Variants in ARHGAP31 observed in about 807,000 individuals in gnomAD.
The protein encoded by ARHGAP31 is Rho GTPase activating protein 31.
ARHGAP31 carries 34 observed loss-of-function variants against 113.9 expected under a neutral mutation model. The ratio of observed to expected loss-of-function variants is 0.30; its 90% CI spans 0.23 to 0.40. The LOEUF (loss-of-function observed/expected upper bound fraction) is 0.40. Among genes scored for constraint, ARHGAP31 ranks in the 10% least tolerant of loss-of-function variants. The pLI is 1.00. For synonymous variants in ARHGAP31, 650 were observed against 684.8 expected, an observed-to-expected ratio of 0.95 and a Z score of 0.79; for missense variants, 1,548 against 1,767.1, an observed-to-expected ratio of 0.88 and a Z score of 2.22.
chr3:119,414,173 C>T lies in ARHGAP31; in HGVS notation c.2244C>T (p.Asp748=), dbSNP rs775947447. 1.2e-6 allele frequency: 2 copies of T among 1,614,136 alleles called. No individual in the cohort carries two copies. Among genetic ancestry groups the T allele is most frequent in the South Asian group, 2.2e-5 (2 of 91,066 alleles). ...AACCTGAGCAGGGCCTGCACCCAGA[C>T]CTCGCCAGCCTGGCTCCTCTGGAAA... ...KPEPEQGLHP[D]LASLAPLEIV... The change falls in exon 12 of 12, where the codon GAC becomes GAT. Residue 748 remains aspartate (D), a synonymous_variant. Transcript: ENST00000264245.
intron 1 of ARHGAP31, among the ~76,000 whole-genome samples, chr3:119,303,286 A>G (rs1222848047): frequency 6.6e-6 from 1 of 152,180 alleles, no homozygotes; most frequent in Non-Finnish European, 1.5e-5. Flanking sequence ...GATGTGCTGG[A>G]TTATCAGGAA....
At chr3:119,307,886 T>C (rs2079643591) in intron 1 of ARHGAP31, among the ~76,000 whole-genome samples, 1 of 133,798 alleles carries the variant, frequency 7.5e-6, no homozygotes, top group Admixed American at 8.9e-5. Context: ...ATTTTGGAAG[T>C]TGACGGAATG....
At chr3:119,318,952 G>T (rs2079758657) in intron 1 of ARHGAP31, among the ~76,000 whole-genome samples, 1 of 151,570 alleles carries the variant, frequency 6.6e-6, no homozygotes, top group South Asian at 2.1e-4. Context: ...AGGTCAGATT[G>T]CTCCAAAAAA....
intron 6 of ARHGAP31, among the ~76,000 whole-genome samples, chr3:119,384,443 G>T (rs1272304650): frequency 1.3e-5 from 2 of 152,176 alleles, no homozygotes; most frequent in East Asian, 3.8e-4. Flanking sequence ...CGTAGACTGG[G>T]TAATTTGCAA....
intron 11 of ARHGAP31, among the ~76,000 whole-genome samples, chr3:119,412,289 G>A (rs1384652509): frequency 6.6e-6 from 1 of 152,008 alleles, no homozygotes; most frequent in Admixed American, 6.5e-5. Context: ...TTGGGAGGCT[G>A]AGGCAGGAGA....
chr3:119,381,749 A>G (rs535564293), intron 4 of ARHGAP31, among the ~76,000 whole-genome samples: 90 of 152,256 alleles, frequency 5.9e-4, no homozygotes, highest in Admixed American at 2.1e-3. Flanking sequence ...GCACTTTGGG[A>G]GGCCCAGGCG....
At chr3:119,383,819 G>A (rs1392623885) in intron 6 of ARHGAP31, among the ~76,000 whole-genome samples, 3 of 152,218 alleles carry the variant, frequency 2.0e-5, no homozygotes, top group Non-Finnish European at 4.4e-5. Flanking sequence ...CCCTAGGAGT[G>A]AATTAAACTC....
At chr3:119,381,598 G>T (rs186169954) in intron 4 of ARHGAP31, among the ~76,000 whole-genome samples, 67 of 152,254 alleles carry the variant, frequency 4.4e-4, no homozygotes, top group Non-Finnish European at 1.0e-4. Flanking sequence ...CTGTAGCTGG[G>T]AGAATTTTTA....
chr3:119,358,544 G>A (rs556651377), intron 1 of ARHGAP31, among the ~76,000 whole-genome samples: 8 of 152,232 alleles, frequency 5.3e-5, no homozygotes, highest in African/African-American at 1.9e-4. Flanking sequence ...AAACTTGTAC[G>A]TAAAGGTTCA....
intron 11 of ARHGAP31, among the ~76,000 whole-genome samples, chr3:119,412,912 G>A (rs1037061021): frequency 2.0e-5 from 3 of 152,146 alleles, no homozygotes; most frequent in Admixed American, 6.6e-5. Flanking sequence ...CAGCTACTTG[G>A]GGGGCTGAGG....
At position 119,383,144 on chromosome 3, in the gene ARHGAP31, C is replaced by T. The variant is rs1248809844; in HGVS notation, c.600C>T (p.Val200=). The part of the protein sequence containing the change: ...NGDAAFLAVR[V]QQVVIEFILN... Reference sequence around the variant, plus strand: ...ATGCAGCCTTCCTTGCAGTCCGGGTCCAGCAGGTGGTGATTGAGTTCATAT... The same window carrying T: ...ATGCAGCCTTCCTTGCAGTCCGGGTTCAGCAGGTGGTGATTGAGTTCATAT... Residue 200 remains valine, a synonymous_variant, in exon 6 of 12, where the codon GTC becomes GTT. Transcript: ENST00000264245. The T allele has an allele frequency of 6.2e-7, 1 of 1,614,168 alleles. No homozygotes were observed. The highest frequency in any genetic ancestry group is 8.5e-7 in the Non-Finnish European group (1 of 1,180,038).
intron 1 of ARHGAP31, among the ~76,000 whole-genome samples, chr3:119,310,962 T>C (rs2079674846): frequency 6.6e-6 from 1 of 152,168 alleles, no homozygotes; most frequent in South Asian, 2.1e-4. Context: ...GACATGCAGA[T>C]GAAACAGGTA....
At position 119,414,797 on chromosome 3, in the gene ARHGAP31, T is replaced by C. The variant is rs1315490109; in HGVS notation, c.2868T>C (p.Asp956=). ...GCCTTCGCCAGAGCCATTCTCTAGA[T>C]AGCAAACCCACGGTTAAAAGCCAGT... is the stretch of plus-strand genomic sequence containing the variant. ...RPSLRQSHSL[D]SKPTVKSQWT... Residue 956 remains aspartate, a synonymous_variant, in exon 12 of 12, where the codon GAT becomes GAC. Coordinates refer to ENST00000264245, the MANE Select transcript of ARHGAP31 (RefSeq NM_020754.4). The C allele has an allele frequency of 3.1e-6, 5 of 1,614,066 alleles. No individual in the cohort carries two copies. The highest frequency in any genetic ancestry group is 1.7e-5 in the Admixed American group (1 of 60,010).
rs569311506 is a variant in ARHGAP31, at chr3:119,297,061, G to A, written c.100+2057G>A. Among the ~76,000 whole-genome samples, 9 of 152,142 alleles carry A rather than the reference G, an allele frequency of 5.9e-5. No homozygotes were observed. In the South Asian group the frequency reaches 1.2e-3, roughly 21 times the overall value. ...TGAGAGTTCAGCTTTGAAAGGAAACGCAACTGACCCACTTAATGATCCACA... is the reference window on the plus strand; with the variant it reads ...TGAGAGTTCAGCTTTGAAAGGAAACACAACTGACCCACTTAATGATCCACA... On this transcript the variant is annotated intron_variant, in intron 1 of 11. Coordinates refer to ENST00000264245, the MANE Select transcript of ARHGAP31 (RefSeq NM_020754.4).
intron 1 of ARHGAP31, among the ~76,000 whole-genome samples, chr3:119,363,922 A>G (rs2080231772): frequency 6.6e-6 from 1 of 152,074 alleles, no homozygotes; most frequent in Admixed American, 6.6e-5. Flanking sequence ...TTGATGGGTT[A>G]GGTTGTTCTA....
At chr3:119,350,365 G>C (rs1297381159) in intron 1 of ARHGAP31, among the ~76,000 whole-genome samples, 1 of 152,180 alleles carries the variant, frequency 6.6e-6, no homozygotes, top group East Asian at 1.9e-4. Context: ...GAACTGATAA[G>C]CTTTACCTGG....
intron 1 of ARHGAP31, among the ~76,000 whole-genome samples, chr3:119,295,938 C>T (rs991548780): frequency 3.3e-5 from 5 of 152,174 alleles, no homozygotes; most frequent in Admixed American, 6.5e-5. Context: ...TGGTTTTGCA[C>T]TTACCCTTGA....
intron 1 of ARHGAP31, among the ~76,000 whole-genome samples, chr3:119,310,167 A>G (rs565490744): frequency 1.4e-4 from 22 of 152,160 alleles, no homozygotes; most frequent in Non-Finnish European, 2.6e-4. Flanking sequence ...CTAGAGAACA[A>G]TAGATCACAT....
At chr3:119,336,616 G>A (rs2079950825) in intron 1 of ARHGAP31, among the ~76,000 whole-genome samples, 1 of 152,106 alleles carries the variant, frequency 6.6e-6, no homozygotes, top group African/African-American at 2.4e-5. Flanking sequence ...CTAAACAATT[G>A]CTGCATTTAC....
Sources: gnomAD v4.1 joint callset for allele counts (sites outside exome capture counted in the v4.1 genomes callset) on GRCh38, gnomAD v4.1.1 for gene constraint, MANE v1.5 for transcripts, NCBI Gene and HGNC (gene_info 2026-07-23, HGNC 2026-07-21) for gene names.